GUCY1A2: variants seen among roughly 807,000 people sequenced by gnomAD.
The protein encoded by GUCY1A2 is guanylate cyclase 1 soluble subunit alpha 2, also known as guanylate cyclase soluble subunit alpha-2.
GUCY1A2 carries 27 observed loss-of-function variants against 63.5 expected under a neutral mutation model. That is an observed-to-expected ratio of 0.43 (90% CI 0.31 to 0.59). The LOEUF (loss-of-function observed/expected upper bound fraction) is 0.59, where lower values mean the gene tolerates loss of function less well. GUCY1A2 is among the 20% of genes least tolerant of loss of function. GUCY1A2 has a pLI of 0.11. For missense variants in GUCY1A2, 768 were observed against 913.3 expected, an observed-to-expected ratio of 0.84 and a Z score of 2.05; for synonymous variants, 364 against 343.5, an observed-to-expected ratio of 1.06 and a Z score of -0.66.
At chr11:106,955,614 A>C (rs189530404) in intron 3 of GUCY1A2, among the ~76,000 whole-genome samples, 1 of 151,868 alleles carries the variant, frequency 6.6e-6, no homozygotes, top group Non-Finnish European at 1.5e-5. Context: ...TTAAGATATT[A>C]AATATTGGCC....
At chr11:106,690,369 C>T (rs1329516401) in intron 7 of GUCY1A2, among the ~76,000 whole-genome samples, 2 of 152,096 alleles carry the variant, frequency 1.3e-5, no homozygotes, top group Non-Finnish European at 2.9e-5. Flanking sequence ...ATGTCATTTC[C>T]AGCAACATGG....
At chr11:106,860,304 C>T (rs1859493215) in intron 4 of GUCY1A2, among the ~76,000 whole-genome samples, 1 of 150,220 alleles carries the variant, frequency 6.7e-6, no homozygotes, top group Non-Finnish European at 1.5e-5. Flanking sequence ...TGATGTAATA[C>T]AGCAATGCTT....
chr11:106,738,699 G>A (rs1165078791), intron 6 of GUCY1A2, among the ~76,000 whole-genome samples: 2 of 151,994 alleles, frequency 1.3e-5, no homozygotes, highest in Non-Finnish European at 2.9e-5. Flanking sequence ...ATTAGATGGT[G>A]GTAGATATGT....
intron 5 of GUCY1A2, among the ~76,000 whole-genome samples, chr11:106,800,371 A>T (rs34281823): frequency 1.3e-5 from 2 of 152,194 alleles, no homozygotes; most frequent in African/African-American, 4.8e-5. Flanking sequence ...CATTTGACCC[A>T]GCCATCCCAT....
At chr11:106,698,912 G>A (rs369324052) in intron 7 of GUCY1A2, among the ~76,000 whole-genome samples, 3 of 151,830 alleles carry the variant, frequency 2.0e-5, no homozygotes, top group African/African-American at 4.8e-5. Context: ...TCTGAATCAC[G>A]GTCCATTTTG....
At chr11:106,893,353 T>C (rs1440022629) in intron 4 of GUCY1A2, among the ~76,000 whole-genome samples, 1 of 152,052 alleles carries the variant, frequency 6.6e-6, no homozygotes, top group African/African-American at 2.4e-5. Flanking sequence ...GTACAAAATT[T>C]CATGGAAGGA....
At chr11:106,860,154 G>A (rs1859490174) in intron 4 of GUCY1A2, among the ~76,000 whole-genome samples, 1 of 151,764 alleles carries the variant, frequency 6.6e-6, no homozygotes, top group African/African-American at 2.4e-5. Flanking sequence ...ACCAAAATAT[G>A]TTTCAGTTTT....
rs572871810 is a variant in GUCY1A2 at position 107,006,859 on chromosome 11, C to A, written c.303+10894G>T. 3.9e-5 allele frequency among the ~76,000 whole-genome samples: 6 copies of A among 152,282 alleles called. No homozygotes were observed. The East Asian group carries it at 7.7e-4, about 20-fold the overall frequency. ...CTAACAAATTTAAAATCCTTTCACT[C>A]TTAAGTGCATTTCATAGAATTTCAT... On this transcript the variant is annotated intron_variant, in intron 1 of 7. Coordinates refer to ENST00000526355, the MANE Select transcript of GUCY1A2 (RefSeq NM_000855.3).
intron 6 of GUCY1A2, among the ~76,000 whole-genome samples, chr11:106,750,119 T>C (rs1487559399): frequency 6.6e-6 from 1 of 152,074 alleles, no homozygotes; most frequent in East Asian, 1.9e-4. Flanking sequence ...GCAGAAGGCC[T>C]GACAGCCCTG....
At chr11:106,792,444 G>C (rs1342983207) in intron 5 of GUCY1A2, among the ~76,000 whole-genome samples, 2 of 150,468 alleles carry the variant, frequency 1.3e-5, no homozygotes, top group African/African-American at 2.4e-5. Flanking sequence ...TCCCTGGGTT[G>C]CAAGGTTAGT....
intron 4 of GUCY1A2, among the ~76,000 whole-genome samples, chr11:106,895,968 C>T (rs1451346309): frequency 1.3e-5 from 2 of 149,936 alleles, no homozygotes; most frequent in South Asian, 2.1e-4. Context: ...GAGCCAAGAT[C>T]GTGCCACTCC....
At chr11:106,706,491 A>G (rs1329096470) in intron 7 of GUCY1A2, among the ~76,000 whole-genome samples, 3 of 151,620 alleles carry the variant, frequency 2.0e-5, no homozygotes, top group Non-Finnish European at 2.9e-5. Flanking sequence ...TGTGAAAAAG[A>G]CTACAAAAAC....
intron 3 of GUCY1A2, among the ~76,000 whole-genome samples, chr11:106,957,211 T>C (rs1860997798): frequency 6.6e-6 from 1 of 152,098 alleles, no homozygotes; most frequent in Non-Finnish European, 1.5e-5. Context: ...CTTAGTGTGT[T>C]AGGCAGTTGC....
chr11:106,781,459 G>A (rs1245670256), intron 5 of GUCY1A2, among the ~76,000 whole-genome samples: 1 of 150,766 alleles, frequency 6.6e-6, no homozygotes, highest in East Asian at 2.0e-4. Context: ...TGAAGAATTT[G>A]CCTATCTCAG....
intron 5 of GUCY1A2, among the ~76,000 whole-genome samples, chr11:106,793,187 G>T (rs1242696773): frequency 6.6e-6 from 1 of 151,526 alleles, no homozygotes; most frequent in Non-Finnish European, 1.5e-5. Context: ...ACACCAATGG[G>T]ACAGAATGAG....
At chr11:106,791,686 A>T (rs1028702589) in intron 5 of GUCY1A2, among the ~76,000 whole-genome samples, 28 of 152,262 alleles carry the variant, frequency 1.8e-4, no homozygotes, top group Admixed American at 3.3e-4. Context: ...ATATAGATTT[A>T]AAAAAGGCCT....
rs1862514923 is a variant in GUCY1A2, at chr11:106,685,714, C to A, written c.*1835G>T. 4.4e-6 allele frequency: 1 copy of A among 227,314 alleles called. No homozygotes were observed. Among genetic ancestry groups the A allele is most frequent in the Non-Finnish European group, 8.7e-6 (1 of 114,382 alleles). 14.1% of individuals were successfully genotyped at this position (227,314 alleles called of 1,614,324 possible). On this transcript the variant is annotated 3_prime_UTR_variant, in exon 8 of 8. Coordinates refer to ENST00000526355, the MANE Select transcript of GUCY1A2 (RefSeq NM_000855.3). ...CTGCTCATACTGGCTGTAAACCTCC[C>A]CATTGTCCAGAAACACAGGCCCACA...
chr11:106,996,791 C>T (rs560694983), intron 1 of GUCY1A2, among the ~76,000 whole-genome samples: 2 of 152,250 alleles, frequency 1.3e-5, no homozygotes. Context: ...CAGGGTGGGT[C>T]CTGCCTAGCT....
chr11:106,891,418 T>C (rs927016191), intron 4 of GUCY1A2, among the ~76,000 whole-genome samples: 2 of 152,106 alleles, frequency 1.3e-5, no homozygotes, highest in African/African-American at 4.8e-5. Context: ...TTTCTGCCTT[T>C]TGATGAAGAA....
Sources: allele counts gnomAD v4.1 joint callset (sites outside exome capture counted in the v4.1 genomes callset), GRCh38; gene constraint gnomAD v4.1.1; transcripts MANE v1.5; gene names NCBI Gene and HGNC (gene_info 2026-07-23, HGNC 2026-07-21).